Variants in PRMT8 observed in about 807,000 individuals in gnomAD.
PRMT8 encodes protein arginine methyltransferase 8.
In PRMT8, 7 loss-of-function variants were observed where a neutral mutation model predicts 47.1. The ratio of observed to expected loss-of-function variants is 0.15; its 90% CI spans 0.08 to 0.28. The LOEUF is 0.28. Ranked by LOEUF, PRMT8 falls within the 10% of genes least tolerant of loss-of-function variation. The pLI, the probability that PRMT8 is intolerant of heterozygous loss-of-function variation, is 1.00. For synonymous variants in PRMT8, 188 were observed against 186.5 expected (o/e 1.01, Z -0.07); for missense variants, 237 against 505.4 (o/e 0.47, Z 5.09).
chr12:3,464,581 C>T (rs1228843178), intron 1 of PRMT8, among the ~76,000 whole-genome samples: 1 of 152,164 alleles, frequency 6.6e-6, no homozygotes. Flanking sequence ...CTGTGCCAAG[C>T]TGTCTGCTAG....
intron 1 of PRMT8, among the ~76,000 whole-genome samples, chr12:3,426,603 G>A (rs1473128412): frequency 2.6e-5 from 4 of 152,144 alleles, no homozygotes; most frequent in Non-Finnish European, 5.9e-5. Context: ...GTCCCCACAG[G>A]ATATAACAAG....
chr12:3,529,921 GGT>G (rs1866002941), intron 1 of PRMT8, among the ~76,000 whole-genome samples: 1 of 152,088 alleles, frequency 6.6e-6, no homozygotes, highest in Non-Finnish European at 1.5e-5. Context: ...GTACTACACG[GGT>G]GCAAAGAGAT....
chr12:3,507,757 T>C (rs1315917767), intron 1 of PRMT8, among the ~76,000 whole-genome samples: 1 of 148,872 alleles, frequency 6.7e-6, no homozygotes, highest in East Asian at 2.0e-4. Flanking sequence ...TTCTTCTCCT[T>C]CTTTTTTTTT....
In PRMT8 at chr12:3,456,782, A is replaced by G. The variant is rs1392081477; in HGVS notation, c.48+75340A>G. 6.6e-6 allele frequency among the ~76,000 whole-genome samples: 1 copy of G among 152,184 alleles called. No homozygotes were observed. The highest frequency in any genetic ancestry group is 1.5e-5 in the Non-Finnish European group (1 of 68,042). On this transcript the variant is annotated intron_variant, in intron 1 of 9. Transcript: ENST00000452611. The surrounding 1 kb of genome is among the most constrained non-coding windows in gnomAD (Gnocchi z 4.2). ...CTTACACCCTTGACTAAGATTGAAC[A>G]AGAAAAAAAAAATGTCACCAAACAA...
At chr12:3,494,760 TCAA>T (rs1331926913) in intron 1 of PRMT8, among the ~76,000 whole-genome samples, 1 of 152,148 alleles carries the variant, frequency 6.6e-6, no homozygotes, top group East Asian at 1.9e-4. Context: ...TACGAGAGCA[TCAA>T]CATCACGTGC....
rs1184725552 is a variant in PRMT8, at chr12:3,569,382, G to A, written c.625-95G>A. 6 of 1,010,046 alleles carry A rather than the reference G, an allele frequency of 5.9e-6. No individual in the cohort carries two copies. The highest frequency in any genetic ancestry group is 5.2e-5 in the Admixed American group (3 of 57,886). The allele number at this position is 1,010,046 out of a possible 1,614,324, so 62.6% of individuals were successfully genotyped here. On this transcript the variant is annotated intron_variant, in intron 5 of 9. Transcript: ENST00000382622. The surrounding 1 kb of genome is among the most constrained non-coding windows in gnomAD (Gnocchi z 8.2). Reference sequence around the variant, plus strand: ...ACTGCATGAGAGATGGTGGCAAGGGGGTGCTTGTCTGGTGACTCTATGTGC... The same window carrying A: ...ACTGCATGAGAGATGGTGGCAAGGGAGTGCTTGTCTGGTGACTCTATGTGC...
At chr12:3,410,667 C>G (rs1018283075) in intron 1 of PRMT8, among the ~76,000 whole-genome samples, 1 of 152,178 alleles carries the variant, frequency 6.6e-6, no homozygotes, top group Admixed American at 6.5e-5. Context: ...CGCCACCATG[C>G]CCAGCTAATT....
chr12:3,438,927 G>A (rs6489466), intron 1 of PRMT8, among the ~76,000 whole-genome samples: 130,139 of 152,254 alleles, frequency 0.85, 56,080 homozygotes, highest in Non-Finnish European at 0.91. Context: ...TTTACAAGGG[G>A]AACATTTAAC....
At chr12:3,518,103 C>T (rs1042402034) in intron 1 of PRMT8, among the ~76,000 whole-genome samples, 9 of 151,080 alleles carry the variant, frequency 6.0e-5, no homozygotes, top group African/African-American at 1.5e-4. Context: ...TTCCCCAACA[C>T]GCTTGCCCCC....
intron 1 of PRMT8, among the ~76,000 whole-genome samples, chr12:3,520,149 A>T (rs1448800555): frequency 6.6e-6 from 1 of 152,196 alleles, no homozygotes; most frequent in Non-Finnish European, 1.5e-5. Context: ...CCCCTCCCAG[A>T]GTGGGGACAA....
intron 1 of PRMT8, among the ~76,000 whole-genome samples, chr12:3,450,847 C>G (rs570371501): frequency 6.6e-6 from 1 of 152,288 alleles, no homozygotes; most frequent in Non-Finnish European, 1.5e-5. Context: ...AATTGGCTTT[C>G]TTTTGCTTCT....
chr12:3,520,375 A>G (rs1204838731), intron 1 of PRMT8, among the ~76,000 whole-genome samples: 3 of 152,250 alleles, frequency 2.0e-5, no homozygotes, highest in South Asian at 2.1e-4. Flanking sequence ...GCCCAAAGCC[A>G]GACCTAGCAG....
intron 1 of PRMT8, among the ~76,000 whole-genome samples, chr12:3,485,145 G>A (rs550052740): frequency 6.6e-6 from 1 of 152,310 alleles, no homozygotes; most frequent in South Asian, 2.1e-4. Context: ...TGAAATCCAT[G>A]CTCTGTTGCC....
At chr12:3,413,800 C>T (rs1302600792) in intron 1 of PRMT8, among the ~76,000 whole-genome samples, 2 of 152,080 alleles carry the variant, frequency 1.3e-5, no homozygotes, top group African/African-American at 4.8e-5. Flanking sequence ...ATTAAAAATA[C>T]AGTATAACAA....
At chr12:3,524,451 C>T (rs1168826236) in intron 1 of PRMT8, among the ~76,000 whole-genome samples, 1 of 152,064 alleles carries the variant, frequency 6.6e-6, no homozygotes, top group Non-Finnish European at 1.5e-5. Context: ...CTTCCCCGCC[C>T]CTTAGTTGCC....
chr12:3,584,680 T>A (rs903298985), intron 8 of PRMT8, among the ~76,000 whole-genome samples: 1 of 152,252 alleles, frequency 6.6e-6, no homozygotes, highest in African/African-American at 2.4e-5. Context: ...TTCTTTTGTA[T>A]CATTCCACCA....
At chr12:3,592,097 G>C (rs2137240504) in intron 8 of PRMT8, 134 bp from the exon 9 acceptor site, 1 of 988,102 alleles carries the variant, frequency 1.0e-6, no homozygotes, top group South Asian at 1.9e-5. Context: ...GACCCAACAA[G>C]AGTACTGGGG....
At position 3,473,900 on chromosome 12, in the gene PRMT8, C is replaced by T. The variant is rs550984637; in HGVS notation, c.49-66706C>T. 4.6e-5 allele frequency among the ~76,000 whole-genome samples: 7 copies of T among 152,272 alleles called. 1 individual carries two copies. The highest frequency in any genetic ancestry group is 1.2e-4 in the African/African-American group (5 of 41,536). On this transcript the variant is annotated intron_variant, in intron 1 of 9. Coordinates refer to the PRMT8 transcript ENST00000452611. The stretch of plus-strand genomic sequence containing the variant: ...ACACCCCATCCTTGTGTCATTGTCC[C>T]GTCTGCCCACCTTCTCAATCTCTGT...
At chr12:3,589,239 T>C (rs1867247367) in intron 8 of PRMT8, among the ~76,000 whole-genome samples, 1 of 152,166 alleles carries the variant, frequency 6.6e-6, no homozygotes, top group Non-Finnish European at 1.5e-5. Flanking sequence ...AAAACAGATG[T>C]GAACTGGAAC....
Sources: gnomAD v4.1 joint callset for allele counts (sites outside exome capture counted in the v4.1 genomes callset) on GRCh38, gnomAD v4.1.1 for gene constraint, Gnocchi (gnomAD v3.1) non-coding constraint, MANE v1.5 for transcripts, NCBI Gene and HGNC (gene_info 2026-07-23, HGNC 2026-07-21) for gene names.